GPR141: variants seen among roughly 807,000 people sequenced by gnomAD.
GPR141 encodes the protein probable G protein-coupled receptor 141.
In GPR141, 6 loss-of-function variants were observed where a neutral mutation model predicts 6.8. The observed-to-expected ratio is 0.88, with a 90% CI of 0.48 to 1.74. The LOEUF (loss-of-function observed/expected upper bound fraction) is 1.74, where lower values mean the gene tolerates loss of function less well. Among genes scored for constraint, GPR141 ranks in the 40% most tolerant of loss-of-function variants. The pLI is 0.01. For synonymous variants in GPR141, 140 were observed against 142.3 expected, an observed-to-expected ratio of 0.98 and a Z score of 0.11; for missense variants, 372 against 372.9, an observed-to-expected ratio of 1.00 and a Z score of 0.02.
intron 2 of GPR141, among the ~76,000 whole-genome samples, chr7:37,721,877 G>A (rs1811343462): frequency 6.6e-6 from 1 of 152,142 alleles, no homozygotes; most frequent in East Asian, 1.9e-4. Context: ...TTTATCCACA[G>A]CCTTTTTTGT....
At chr7:37,733,041 G>A (rs961560988) in intron 2 of GPR141, among the ~76,000 whole-genome samples, 2 of 152,192 alleles carry the variant, frequency 1.3e-5, no homozygotes, top group African/African-American at 4.8e-5. Flanking sequence ...AGCTGGTGGG[G>A]AGTGAGCCAA....
chr7:37,689,042 T>G (rs150955832), intron 2 of GPR141, among the ~76,000 whole-genome samples: 2,730 of 152,260 alleles, frequency 0.018, 157 homozygotes, highest in Admixed American at 0.1. Flanking sequence ...AACTCTTTAC[T>G]CATTAAACAG....
chr7:37,685,655 C>T (rs751582239), intron 2 of GPR141, 72 bp downstream of exon 2: 1 of 151,576 alleles, frequency 6.6e-6, no homozygotes, highest in Non-Finnish European at 1.5e-5. Context: ...GCTCATGTTG[C>T]CCAGGTTAGT....
chr7:37,739,468 A>G (rs1812420042), intron 2 of GPR141, among the ~76,000 whole-genome samples: 1 of 152,210 alleles, frequency 6.6e-6, no homozygotes, highest in Non-Finnish European at 1.5e-5. Context: ...GTAACCCAGA[A>G]CATTCCAGAC....
intron 2 of GPR141, among the ~76,000 whole-genome samples, chr7:37,704,047 C>T (rs2131766224): frequency 6.6e-6 from 1 of 152,284 alleles, no homozygotes; most frequent in Non-Finnish European, 1.5e-5. Context: ...AAACCCTGGG[C>T]CATTTCAAAC....
intron 2 of GPR141, among the ~76,000 whole-genome samples, chr7:37,726,049 A>G (rs1176025601): frequency 1.3e-5 from 2 of 152,148 alleles, no homozygotes; most frequent in Non-Finnish European, 2.9e-5. Flanking sequence ...TTCACATACA[A>G]TTTCTCTCTT....
intron 2 of GPR141, among the ~76,000 whole-genome samples, chr7:37,688,976 G>A (rs887148087): frequency 2.6e-5 from 4 of 152,032 alleles, no homozygotes; most frequent in Non-Finnish European, 5.9e-5. Context: ...CATTCAGTTT[G>A]TTGTGCAACC....
chr7:37,717,769 T>C (rs1168028812), intron 2 of GPR141, among the ~76,000 whole-genome samples: 1 of 152,232 alleles, frequency 6.6e-6, no homozygotes, highest in Non-Finnish European at 1.5e-5. Flanking sequence ...CACTAAATTA[T>C]AAGCTCCTTG....
rs746948867 is a variant in GPR141, at chr7:37,740,700, T to C, written c.307T>C (p.Phe103Leu). The C allele has an allele frequency of 1.9e-6, 3 of 1,614,072 alleles. No individual in the cohort carries two copies. The Admixed American group carries it at 5.0e-5, about 27-fold the overall frequency. Residue 103 changes from phenylalanine (F) to leucine (L), a missense_variant, in exon 3 of 3, where the codon TTC (phenylalanine) becomes CTC (leucine). By Grantham distance (22) the Phe-to-Leu change is conservative. Coordinates refer to ENST00000334425, the MANE Select transcript of GPR141 (RefSeq NM_001381946.1). The part of the protein sequence containing the change: ...AMLHIHMYLT[F>L]LFYVVILVTR... ...GCTGCACATCCACATGTACCTCACG[T>C]TCCTATTCTATGTGGTGATCCTGGT...
chr7:37,699,429 C>T (rs950967565), intron 2 of GPR141, among the ~76,000 whole-genome samples: 6 of 152,262 alleles, frequency 3.9e-5, no homozygotes, highest in South Asian at 2.1e-4. Flanking sequence ...GGCGTGGTGG[C>T]GGGCGCCTGT....
rs759751488 is a variant in GPR141 at position 37,740,845 on chromosome 7, T to C, written c.452T>C (p.Val151Ala). 4 of 1,614,176 alleles carry C rather than the reference T, an allele frequency of 2.5e-6. No homozygotes were observed. The South Asian group carries it at 4.4e-5, about 18-fold the overall frequency. ...TLVIVIVVPL[V>A]VSRYGIHEEY... is the part of the protein sequence containing the mutation. ...GTGATTGTCATTGTGGTACCCCTGG[T>C]TGTCTCCCGGTATGGAATCCATGAG... The change falls in exon 3 of 3, where the codon GTT becomes GCT. Residue 151 changes from valine (V) to alanine (A), a missense_variant. Val to Ala is a moderately conservative substitution (Grantham distance 64, BLOSUM62 0). Transcript: ENST00000334425.
chr7:37,700,863 C>T (rs999712885), intron 2 of GPR141, among the ~76,000 whole-genome samples: 3 of 151,980 alleles, frequency 2.0e-5, no homozygotes, highest in Admixed American at 6.6e-5. Flanking sequence ...TCTTTAATAT[C>T]GCCACTAAAC....
At chr7:37,698,359 T>A (rs981362835) in intron 2 of GPR141, among the ~76,000 whole-genome samples, 1 of 152,214 alleles carries the variant, frequency 6.6e-6, no homozygotes, top group Non-Finnish European at 1.5e-5. Context: ...TTTTATAACA[T>A]CTATAAATAA....
chr7:37,686,525 C>A (rs143077539), intron 2 of GPR141, among the ~76,000 whole-genome samples: 1 of 152,240 alleles, frequency 6.6e-6, no homozygotes, highest in Admixed American at 6.5e-5. Context: ...AACATAATTT[C>A]CTTAAGGGCA....
rs569429552 is a variant in GPR141 at position 37,743,311 on chromosome 7, A to C, written c.*2000A>C. On this transcript the variant is annotated 3_prime_UTR_variant, in exon 3 of 3. Transcript: ENST00000334425. Reference sequence around the variant, plus strand: ...GACCACTAAAATTACTGAGCCACAGAAATTAATTCTGAGGAAGCAGAAGTA... The same window carrying C: ...GACCACTAAAATTACTGAGCCACAGCAATTAATTCTGAGGAAGCAGAAGTA... Among the ~76,000 whole-genome samples the C allele has an allele frequency of 6.6e-5, 10 of 152,316 alleles. No homozygotes were observed. Among genetic ancestry groups the C allele is most frequent in the African/African-American group, 2.2e-4 (9 of 41,590 alleles).
rs541385446 is a variant in GPR141 at position 37,735,720 on chromosome 7, G to GA, written c.-14-4653dup. Among the ~76,000 whole-genome samples the GA allele has an allele frequency of 9.8e-3, 1,486 of 151,976 alleles. 11 individuals are homozygous for GA. Among genetic ancestry groups the GA allele is most frequent in the Non-Finnish European group, 0.016 (1,099 of 67,982 alleles). ...AAGATTACATAATGGAAAACCAAGA[G>GA]AAAAAAACAGATAATAGAAGTATAT... is the stretch of plus-strand genomic sequence containing the variant. On this transcript the variant is annotated intron_variant, in intron 2 of 2. Transcript: ENST00000334425.
At chr7:37,719,763 A>C (rs1270182205) in intron 2 of GPR141, among the ~76,000 whole-genome samples, 1 of 152,222 alleles carries the variant, frequency 6.6e-6, no homozygotes, top group Non-Finnish European at 1.5e-5. Flanking sequence ...GAAATTAGTG[A>C]TTCTCCACCC....
chr7:37,710,669 T>G (rs549443911), intron 2 of GPR141, among the ~76,000 whole-genome samples: 1 of 152,302 alleles, frequency 6.6e-6, no homozygotes, highest in African/African-American at 2.4e-5. Context: ...AAATGGTACT[T>G]TTAGTGGGAA....
chr7:37,709,574 T>G (rs1810693927), intron 2 of GPR141: 1 of 152,222 alleles, frequency 6.6e-6, no homozygotes, highest in African/African-American at 2.4e-5. Flanking sequence ...CAAGCTCAGC[T>G]CTAATGAGCA....
Sources: allele counts gnomAD v4.1 joint callset (sites outside exome capture counted in the v4.1 genomes callset), GRCh38; gene constraint gnomAD v4.1.1; transcripts MANE v1.5; gene names NCBI Gene and HGNC (gene_info 2026-07-23, HGNC 2026-07-21).